Variants in NAMPT observed in about 807,000 individuals in gnomAD.
NAMPT encodes the protein NAmPRTase.
NAMPT carries 7 observed loss-of-function variants against 58.7 expected under a neutral mutation model. The ratio of observed to expected loss-of-function variants is 0.12; its 90% CI spans 0.07 to 0.22. The LOEUF (loss-of-function observed/expected upper bound fraction) is 0.22, where lower values mean the gene tolerates loss of function less well. Ranked by LOEUF, NAMPT falls within the 10% of genes least tolerant of loss-of-function variation. The pLI is 1.00. For missense variants in NAMPT, 271 were observed against 567.9 expected, an observed-to-expected ratio of 0.48 and a Z score of 5.31; for synonymous variants, 145 against 198.1, an observed-to-expected ratio of 0.73 and a Z score of 2.25.
At chr7:106,269,130 A>G (rs770552126) in intron 5 of NAMPT, 24 bp downstream of exon 5, 1 of 1,593,902 alleles carries the variant, frequency 6.3e-7, no homozygotes, top group South Asian at 1.1e-5. Flanking sequence ...ATTATATTAA[A>G]TGAGGTTGGT....
At chr7:106,258,077 T>C (rs1792239140) in intron 8 of NAMPT, among the ~76,000 whole-genome samples, 1 of 152,172 alleles carries the variant, frequency 6.6e-6, no homozygotes, top group Non-Finnish European at 1.5e-5. Context: ...CCTGCAGACT[T>C]TTCTTCTATT....
chr7:106,272,995 T>TTATTCCAACATATTCTAAAAG (rs1378744220), intron 3 of NAMPT, among the ~76,000 whole-genome samples: 1 of 152,220 alleles, frequency 6.6e-6, no homozygotes. Flanking sequence ...AAGGATGACT[T>TTATTCCAACATATTCTAAAAG]TATTCCAACA....
chr7:106,251,687 GC>G (rs1792106761), intron 10 of NAMPT, among the ~76,000 whole-genome samples: 1 of 152,060 alleles, frequency 6.6e-6, no homozygotes. Flanking sequence ...AAAGCCAAAA[GC>G]CAATCCCAAA....
intron 9 of NAMPT, 93 bp downstream of exon 9, chr7:106,254,271 C>T: frequency 1.4e-6 from 2 of 1,406,276 alleles, no homozygotes; most frequent in Non-Finnish European, 2.0e-6. Flanking sequence ...AGTCCACGGC[C>T]ACATCAATCT....
rs776294431 is a variant in NAMPT, at chr7:106,284,929, C to T, written c.-45G>A. 3 of 1,562,140 alleles carry T rather than the reference C, an allele frequency of 1.9e-6. No homozygotes were observed. The highest frequency in any genetic ancestry group is 2.7e-5 in the African/African-American group (2 of 73,770). On this transcript the variant is annotated 5_prime_UTR_variant, in exon 1 of 11. Coordinates refer to ENST00000222553, the MANE Select transcript of NAMPT (RefSeq NM_005746.3). ...GCCGCGCGCCGCGAGCTCCCTGGCG[C>T]GGCTGCGAGGAAGGAGAAAAATGAG...
intron 6 of NAMPT, among the ~76,000 whole-genome samples, chr7:106,264,805 G>C (rs1792378699): frequency 1.3e-5 from 2 of 151,576 alleles, no homozygotes; most frequent in South Asian, 4.2e-4. Flanking sequence ...AGCCCAAGTA[G>C]GTATAAGTTT....
At chr7:106,263,736 G>C in intron 6 of NAMPT, 119 bp from the exon 7 acceptor site, 1 of 783,728 alleles carries the variant, frequency 1.3e-6, no homozygotes, top group Non-Finnish European at 2.1e-6. Flanking sequence ...GAGAAGGTGA[G>C]TGACTTAGTT....
In NAMPT at chr7:106,254,457, G is replaced by A. The variant is rs1289869009; in HGVS notation, c.1137C>T (p.Ala379=). The A allele has an allele frequency of 6.2e-7, 1 of 1,613,758 alleles. No individual in the cohort carries two copies. The highest frequency in any genetic ancestry group is 8.5e-7 in the Non-Finnish European group (1 of 1,179,792). Residue 379 remains alanine (A), a synonymous_variant, in exon 9 of 11, where the codon GCC becomes GCT. Transcript: ENST00000222553. ...GTAGCAAACCTCCACCAGAACCGAA[G>A]GCAATATTTTCAATACTCCACATTT... The part of the protein sequence containing the change: ...KQKMWSIENI[A]FGSGGGLLQK...
intron 1 of NAMPT, among the ~76,000 whole-genome samples, chr7:106,277,462 A>G (rs1180626284): frequency 6.6e-6 from 1 of 152,190 alleles, no homozygotes; most frequent in African/African-American, 2.4e-5. Flanking sequence ...TTTGGGGAAC[A>G]GTCCTTCATC....
chr7:106,279,393 CAGA>C (rs1792715752), intron 1 of NAMPT, among the ~76,000 whole-genome samples: 1 of 150,606 alleles, frequency 6.6e-6, no homozygotes, highest in Non-Finnish European at 1.5e-5. Flanking sequence ...AACAAGTTTA[CAGA>C]AGAATACAGA....
rs1562810151 is a variant in NAMPT, at chr7:106,250,098, T to TTC, written c.*984_*985insGA. ...AAACTTAATAAAAAATATAACAGAA[T>TTC]TGAAACATTTAAGTACACTCACTAC... is the stretch of plus-strand genomic sequence containing the variant. On this transcript the variant is annotated 3_prime_UTR_variant, in exon 11 of 11. Transcript: ENST00000222553. 7.2e-5 allele frequency: 11 copies of TTC among 152,458 alleles called. No homozygotes were observed. Among genetic ancestry groups the TTC allele is most frequent in the African/African-American group, 1.7e-4 (7 of 41,426 alleles). The allele number at this position is 152,458 out of a possible 1,614,324, so 9.4% of individuals were successfully genotyped here.
At chr7:106,279,559 T>C (rs1737259586) in intron 1 of NAMPT, among the ~76,000 whole-genome samples, 1 of 152,240 alleles carries the variant, frequency 6.6e-6, no homozygotes, top group African/African-American at 2.4e-5. Flanking sequence ...CTCTTCATTT[T>C]ACTTTCTACT....
At chr7:106,267,840 C>CAAAAAAAAAA (rs769070307) in intron 6 of NAMPT, among the ~76,000 whole-genome samples, 1,044 of 33,154 alleles carry the variant, frequency 0.031, 270 homozygotes, top group Middle Eastern at 0.056. Context: ...GACTCCGTCT[C>CAAAAAAAAAA]AAAAAAAAAA....
Position 106,277,005 on chromosome 7 carries a change from T to C in NAMPT, c.214+18A>G, listed in dbSNP as rs1792660361. On this transcript the variant is annotated intron_variant, in intron 2 of 10. Coordinates refer to ENST00000222553, the MANE Select transcript of NAMPT (RefSeq NM_005746.3). ...AGAGTAATAAGCAGTGTTTAAAATA[T>C]ACTAGGAAAAGTAATACCTTTTAAG... The C allele has an allele frequency of 3.2e-6, 5 of 1,548,562 alleles. No homozygotes were observed. The highest frequency in any genetic ancestry group is 1.4e-5 in the African/African-American group (1 of 73,616).
intron 9 of NAMPT, 35 bp downstream of exon 9, chr7:106,254,329 G>C: frequency 1.9e-6 from 3 of 1,608,436 alleles, no homozygotes; most frequent in Non-Finnish European, 2.6e-6. Flanking sequence ...ACATAAGGAA[G>C]GTAGTAACAC....
intron 4 of NAMPT, 105 bp downstream of exon 4, chr7:106,272,425 T>A: frequency 9.8e-7 from 1 of 1,021,320 alleles, no homozygotes; most frequent in Non-Finnish European, 1.4e-6. Flanking sequence ...TTAAGTAAAT[T>A]ATAGGAGATT....
intron 1 of NAMPT, among the ~76,000 whole-genome samples, chr7:106,279,095 G>A (rs1029499151): frequency 7.2e-5 from 11 of 152,110 alleles, no homozygotes; most frequent in African/African-American, 2.7e-4. Context: ...TACAGCTCCA[G>A]TTCTGGACAA....
Position 106,250,822 on chromosome 7 carries a change from A to G in NAMPT, c.*261T>C. ...AAGTTTCTCAGTTCTGTTATTTGTG[A>G]AAAGATCAATACCAGATTGAATGAC... On this transcript the variant is annotated 3_prime_UTR_variant, in exon 11 of 11. Transcript: ENST00000222553. The G allele has an allele frequency of 2.5e-6, 1 of 395,474 alleles. No homozygotes were observed. The highest frequency in any genetic ancestry group is 4.5e-6 in the Non-Finnish European group (1 of 221,950). 24.5% of individuals were successfully genotyped at this position (395,474 alleles called of 1,614,324 possible). A position where few individuals can be genotyped will look rare whatever the true frequency, so the allele number is the denominator to read the frequency against.
upstream of NAMPT, chr7:106,285,832 C>A (rs59744560): frequency 0.095 from 14,441 of 152,516 alleles, 930 homozygotes; most frequent in Non-Finnish European, 0.14. Flanking sequence ...CTAATTGAAC[C>A]GAGTATTGCC....
Sources: allele counts gnomAD v4.1 joint callset (sites outside exome capture counted in the v4.1 genomes callset), GRCh38; gene constraint gnomAD v4.1.1; transcripts MANE v1.5; gene names NCBI Gene and HGNC (gene_info 2026-07-23, HGNC 2026-07-21).